PGM2L1: variants seen among roughly 807,000 people sequenced by gnomAD.
PGM2L1 encodes the protein phosphoglucomutase 2 like 1.
A neutral mutation model predicts 73.4 loss-of-function variants in PGM2L1; 35 were observed. The observed-to-expected ratio is 0.48, with a 90% CI of 0.36 to 0.63. The LOEUF (loss-of-function observed/expected upper bound fraction) is 0.63, where lower values mean the gene tolerates loss of function less well. Ranked by LOEUF, PGM2L1 falls within the 30% of genes least tolerant of loss-of-function variation. The pLI, the probability that PGM2L1 is intolerant of heterozygous loss-of-function variation, is 0.00. For synonymous variants in PGM2L1, 225 were observed against 253.8 expected (o/e 0.89, Z 1.08); for missense variants, 570 against 742.0 (o/e 0.77, Z 2.69).
intron 3 of PGM2L1, 46 bp downstream of exon 3, chr11:74,371,665 G>A: frequency 1.3e-6 from 2 of 1,522,382 alleles, no homozygotes; most frequent in Non-Finnish European, 1.8e-6. Flanking sequence ...TTTTAAATAT[G>A]TTTTATTCTA....
At position 74,346,776 on chromosome 11, in the gene PGM2L1, T is replaced by G. The variant is rs923239549; in HGVS notation, c.993A>C (p.Thr331=). ...CTGCCAGTCTGTCTGCATCAGGATC[T>G]GTGGCTAGCACTACCCGGGCATTTT... The part of the protein sequence containing the change: ...EKENARVVLA[T]DPDADRLAAA... Residue 331 remains threonine, a synonymous_variant, in exon 8 of 14, where the codon ACA becomes ACC. Transcript: ENST00000298198. 1.2e-6 allele frequency: 2 copies of G among 1,614,176 alleles called. No homozygotes were observed. Among genetic ancestry groups the G allele is most frequent in the Admixed American group, 3.3e-5 (2 of 60,030 alleles).
At chr11:74,389,781 G>T (rs1863066207) in intron 1 of PGM2L1, among the ~76,000 whole-genome samples, 1 of 149,806 alleles carries the variant, frequency 6.7e-6, no homozygotes, top group African/African-American at 2.5e-5. Context: ...AGACATATCC[G>T]AATAGGTTTC....
rs1862471243 is a variant in PGM2L1 at position 74,357,150 on chromosome 11, G to GCAAT, written c.556-5578_556-5575dup. ...AGGTGTGAGCCACCGTGCCCAGCCGGCAATAACTTCTTAGGTACACCACCA... is the reference window on the plus strand; with the variant it reads ...AGGTGTGAGCCACCGTGCCCAGCCGGCAATCAATAACTTCTTAGGTACACCACCA... On this transcript the variant is annotated intron_variant, in intron 5 of 13. Transcript: ENST00000298198. Among the ~76,000 whole-genome samples the GCAAT allele has an allele frequency of 2.0e-5, 3 of 152,156 alleles. No individual in the cohort carries two copies. The South Asian group carries it at 6.2e-4, about 32-fold the overall frequency.
chr11:74,351,133 T>C (rs1487930884), intron 6 of PGM2L1, among the ~76,000 whole-genome samples: 1 of 152,244 alleles, frequency 6.6e-6, no homozygotes, highest in Non-Finnish European at 1.5e-5. Flanking sequence ...GGTTTATCCA[T>C]GTTGTGGTAT....
intron 1 of PGM2L1, among the ~76,000 whole-genome samples, chr11:74,382,034 C>T (rs1862955127): frequency 6.6e-6 from 1 of 150,890 alleles, no homozygotes; most frequent in Non-Finnish European, 1.5e-5. Context: ...ACTCTAGTAA[C>T]CAAGGAAATG....
chr11:74,366,359 A>G (rs997424883), intron 5 of PGM2L1, among the ~76,000 whole-genome samples: 3 of 128,212 alleles, frequency 2.3e-5, no homozygotes, highest in African/African-American at 8.6e-5. Flanking sequence ...CTTAAAGTAT[A>G]AAAAAAAAAA....
chr11:74,393,607 C>T lies in PGM2L1; in HGVS notation c.111+4444G>A, dbSNP rs982288390. 2.6e-5 allele frequency among the ~76,000 whole-genome samples: 4 copies of T among 152,294 alleles called. No individual in the cohort carries two copies. In the East Asian group the frequency reaches 7.7e-4, roughly 29 times the overall value. ...CATTTTCAGGCTTTTTATAAGCCTA[C>T]GCTACCTTGAACTTTACATGATACT... On this transcript the variant is annotated intron_variant, in intron 1 of 13. Coordinates refer to ENST00000298198, the MANE Select transcript of PGM2L1 (RefSeq NM_173582.6).
intron 2 of PGM2L1, among the ~76,000 whole-genome samples, chr11:74,373,368 A>C (rs1168038441): frequency 1.3e-5 from 2 of 152,218 alleles, no homozygotes; most frequent in Non-Finnish European, 2.9e-5. Flanking sequence ...CTTCTCTCCT[A>C]CCCCTGCATT....
intron 6 of PGM2L1, among the ~76,000 whole-genome samples, chr11:74,350,995 G>C (rs1031754193): frequency 6.6e-6 from 1 of 152,100 alleles, no homozygotes; most frequent in African/African-American, 2.4e-5. Flanking sequence ...ATTCCTTCCA[G>C]CCACAAGAAA....
chr11:74,345,706 A>G (rs1862251135), intron 8 of PGM2L1, 57 bp from the exon 9 acceptor site: 2 of 1,461,852 alleles, frequency 1.4e-6, no homozygotes, highest in Non-Finnish European at 1.9e-6. Flanking sequence ...AAACTTCTTG[A>G]CTCCAAGGCC....
chr11:74,337,550 C>T (rs1393670537), intron 13 of PGM2L1, among the ~76,000 whole-genome samples: 1 of 152,086 alleles, frequency 6.6e-6, no homozygotes, highest in Non-Finnish European at 1.5e-5. Flanking sequence ...TGAGCAATTA[C>T]AATATTATAG....
rs1403584542 is a variant in PGM2L1 at position 74,334,863 on chromosome 11, T to G, written c.*1789A>C. 3.3e-5 allele frequency: 5 copies of G among 152,050 alleles called. No individual in the cohort carries two copies. Among genetic ancestry groups the G allele is most frequent in the Admixed American group, 2.6e-4 (4 of 15,256 alleles). 9.4% of individuals were successfully genotyped at this position (152,050 alleles called of 1,614,324 possible). ...TGAGAACTATGTAGGACAAGATACA[T>G]TTTAAGAAGATTAAACACAGCATTT... On this transcript the variant is annotated 3_prime_UTR_variant, in exon 14 of 14. Coordinates refer to ENST00000298198, the MANE Select transcript of PGM2L1 (RefSeq NM_173582.6).
intron 6 of PGM2L1, 79 bp downstream of exon 6, chr11:74,351,304 C>T (rs2134896444): frequency 7.7e-7 from 1 of 1,300,672 alleles, no homozygotes; most frequent in East Asian, 2.3e-5. Context: ...AAATAGACAA[C>T]ACTTTTTATC....
intron 5 of PGM2L1, among the ~76,000 whole-genome samples, chr11:74,359,096 T>C (rs569298468): frequency 6.6e-6 from 1 of 152,310 alleles, no homozygotes; most frequent in Admixed American, 6.5e-5. Context: ...TTCATATCAT[T>C]CATATGTGTA....
At chr11:74,376,759 C>A (rs1040865908) in intron 1 of PGM2L1, among the ~76,000 whole-genome samples, 7 of 152,038 alleles carry the variant, frequency 4.6e-5, no homozygotes, top group African/African-American at 1.4e-4. Context: ...CCAGTACTAA[C>A]CTAATTCCTG....
intron 5 of PGM2L1, among the ~76,000 whole-genome samples, chr11:74,356,706 A>G (rs1257115477): frequency 6.6e-6 from 1 of 152,256 alleles, no homozygotes. Context: ...TACTTTTTAC[A>G]TATGAAGAGT....
chr11:74,331,802 G>A lies in PGM2L1; in HGVS notation c.*4850C>T, dbSNP rs562334232. ...ACACACTTCATGTCAGTGGTAGGCT[G>A]ATTCTGATTTTGCTCTCAGAACCCC... On this transcript the variant is annotated 3_prime_UTR_variant, in exon 14 of 14. Transcript: ENST00000298198. 1.3e-5 allele frequency: 2 copies of A among 152,328 alleles called. No homozygotes were observed. Among genetic ancestry groups the A allele is most frequent in the African/African-American group, 4.8e-5 (2 of 41,560 alleles). 9.4% of individuals were successfully genotyped at this position (152,328 alleles called of 1,614,324 possible).
At chr11:74,387,409 C>G (rs895868424) in intron 1 of PGM2L1, among the ~76,000 whole-genome samples, 3 of 152,162 alleles carry the variant, frequency 2.0e-5, no homozygotes, top group African/African-American at 7.2e-5. Context: ...AATTAAGAGA[C>G]TTTCTACATG....
intron 2 of PGM2L1, among the ~76,000 whole-genome samples, chr11:74,372,374 C>A (rs1259817313): frequency 6.6e-6 from 1 of 151,978 alleles, no homozygotes; most frequent in African/African-American, 2.4e-5. Context: ...AAAAATAACA[C>A]CATAGACTAG....
Sources: allele counts gnomAD v4.1 joint callset (sites outside exome capture counted in the v4.1 genomes callset), GRCh38; gene constraint gnomAD v4.1.1; transcripts MANE v1.5; gene names NCBI Gene and HGNC (gene_info 2026-07-23, HGNC 2026-07-21).